Variants in INTS10 observed in about 807,000 individuals in gnomAD.
INTS10 encodes the protein integrator complex subunit 10, also known as chromosome 8 open reading frame 35.
Under a neutral mutation model 94.4 loss-of-function variants are expected in INTS10, and 44 were observed. That is an observed-to-expected ratio of 0.47 (90% CI 0.37 to 0.60). INTS10 has a LOEUF of 0.60. INTS10 is among the 20% of genes least tolerant of loss of function. The pLI is 0.00. For missense variants in INTS10, 797 were observed against 868.7 expected, an observed-to-expected ratio of 0.92 and a Z score of 1.04; for synonymous variants, 341 against 320.7, an observed-to-expected ratio of 1.06 and a Z score of -0.68.
At chr8:19,822,343 A>C in intron 4 of INTS10, 96 bp from the exon 5 acceptor site, 2 of 656,588 alleles carry the variant, frequency 3.0e-6, no homozygotes, top group Admixed American at 5.7e-5. Context: ...TTGATTATGC[A>C]AACTGTGATA....
In INTS10 at chr8:19,824,828, A is replaced by T; in HGVS notation, c.862A>T (p.Met288Leu). The T allele has an allele frequency of 6.2e-7, 1 of 1,610,944 alleles. No homozygotes were observed. Among genetic ancestry groups the T allele is most frequent in the Non-Finnish European group, 8.5e-7 (1 of 1,178,022 alleles). ...AAGCTATGGAGATATTTTGCATAGA[A>T]TGAAGGATCTCTGCAGATACATGAA... ...RRSYGDILHR[M>L]KDLCRYMNNF... The change falls in exon 8 of 17, where the codon ATG becomes TTG. Residue 288 changes from methionine to leucine, a missense_variant. Met to Leu is a conservative substitution (Grantham distance 15). Around this residue, in one of 3 missense-constraint regions of INTS10, gnomAD observed 734 missense variants for 787.8 expected, o/e 0.93. Transcript: ENST00000397977.
At chr8:19,825,700 A>G (rs2066739523) in intron 8 of INTS10, among the ~76,000 whole-genome samples, 1 of 152,270 alleles carries the variant, frequency 6.6e-6, no homozygotes, top group Admixed American at 6.5e-5. Flanking sequence ...ATCACCCACA[A>G]TCCTTCCAGT....
chr8:19,823,194 A>G lies in INTS10; in HGVS notation c.524-107A>G. ...TGAGTCATAAGGGATTTTTCCCCCT[A>G]TATATTTTAGATACTACATCAAATG... On this transcript the variant is annotated intron_variant, in intron 5 of 16. Coordinates refer to ENST00000397977, the MANE Select transcript of INTS10 (RefSeq NM_018142.4). 4 of 809,646 alleles carry G rather than the reference A, an allele frequency of 4.9e-6. No individual in the cohort carries two copies. In the South Asian group the frequency reaches 5.0e-5, roughly 10 times the overall value. 50.2% of individuals were successfully genotyped at this position (809,646 alleles called of 1,614,324 possible). A position where few individuals can be genotyped will look rare whatever the true frequency, so the allele number is the denominator to read the frequency against.
Position 19,849,104 on chromosome 8 carries a change from G to A in INTS10, c.1977-2545G>A. On this transcript the variant is annotated intron_variant, in intron 16 of 16. Transcript: ENST00000397977. The surrounding 1 kb of genome is among the most constrained non-coding windows in gnomAD (Gnocchi z 4.6). ...GTATTTTCTCTGGAGTGTTGTTTTT[G>A]CAGTGCAGGGTGAGTCGGTGTGGGT... 1 of 758,888 alleles carries A rather than the reference G, an allele frequency of 1.3e-6. No homozygotes were observed. Among genetic ancestry groups the A allele is most frequent in the Non-Finnish European group, 2.0e-6 (1 of 507,066 alleles). 47.0% of individuals were successfully genotyped at this position (758,888 alleles called of 1,614,324 possible). A position where few individuals can be genotyped will look rare whatever the true frequency, so the allele number is the denominator to read the frequency against.
rs1174257353 is a variant in INTS10, at chr8:19,817,460, G to A, written c.-78G>A. On this transcript the variant is annotated 5_prime_UTR_variant, in exon 1 of 17. It adds an upstream start codon to the 5' untranslated region. Coordinates refer to ENST00000397977, the MANE Select transcript of INTS10 (RefSeq NM_018142.4). The stretch of plus-strand genomic sequence containing the variant: ...CCCCGCGGTGGCGGCGGCGGCGGCG[G>A]TGGCTGCCGTGGCGGCTGAGAGTCC... The A allele has an allele frequency of 4.6e-6, 7 of 1,535,840 alleles. No homozygotes were observed. Among genetic ancestry groups the A allele is most frequent in the Non-Finnish European group, 6.1e-6 (7 of 1,144,968 alleles).
intron 2 of INTS10, 48 bp downstream of exon 2, chr8:19,818,390 G>A (rs1189787876): frequency 4.4e-6 from 7 of 1,577,740 alleles, no homozygotes. Flanking sequence ...ATCTCTCCAT[G>A]AGGTTTTGTT....
At chr8:19,819,376 A>AC (rs1390224595) in intron 2 of INTS10, among the ~76,000 whole-genome samples, 197 bp from the exon 3 acceptor site, 1 of 152,224 alleles carries the variant, frequency 6.6e-6, no homozygotes, top group Non-Finnish European at 1.5e-5. Flanking sequence ...TATAAAACCC[A>AC]CTAAAGACTT....
rs2068261006 is a variant in INTS10, at chr8:19,843,009, A to G, written c.1719+82A>G. ...GACTCGAGAACTTGAGAACCTTGCTAAGGATTGTTATTTTAGTACTTTTGA... is the reference window on the plus strand; with the variant it reads ...GACTCGAGAACTTGAGAACCTTGCTGAGGATTGTTATTTTAGTACTTTTGA... On this transcript the variant is annotated intron_variant, in intron 14 of 16. Coordinates refer to ENST00000397977, the MANE Select transcript of INTS10 (RefSeq NM_018142.4). The surrounding 1 kb of genome is among the most constrained non-coding windows in gnomAD (Gnocchi z 4.7). The G allele has an allele frequency of 1.0e-6, 1 of 986,056 alleles. No homozygotes were observed. The highest frequency in any genetic ancestry group is 1.8e-5 in the Admixed American group (1 of 55,984). The allele number at this position is 986,056 out of a possible 1,614,324, so 61.1% of individuals were successfully genotyped here.
At chr8:19,827,606 C>T (rs1236283705) in intron 9 of INTS10, among the ~76,000 whole-genome samples, 1 of 152,114 alleles carries the variant, frequency 6.6e-6, no homozygotes, top group East Asian at 1.9e-4. Context: ...TCATTGATCC[C>T]TCCTGGGTTT....
intron 6 of INTS10, 149 bp from the exon 7 acceptor site, chr8:19,823,723 TG>T: frequency 1.5e-6 from 1 of 656,132 alleles, no homozygotes; most frequent in Non-Finnish European, 2.6e-6. Flanking sequence ...CTTATACCAG[TG>T]GCCTCTTGTC....
At chr8:19,835,620 C>T (rs534869173) in intron 12 of INTS10, among the ~76,000 whole-genome samples, 46 of 152,242 alleles carry the variant, frequency 3.0e-4, no homozygotes, top group African/African-American at 1.0e-3. Flanking sequence ...CTCTGGAGTA[C>T]AAGTCCTGGC....
At chr8:19,848,179 T>G (rs2068734983) in intron 16 of INTS10, among the ~76,000 whole-genome samples, 1 of 152,194 alleles carries the variant, frequency 6.6e-6, no homozygotes, top group Non-Finnish European at 1.5e-5. Flanking sequence ...TCCCTTTGGG[T>G]TCCAAACAAG....
chr8:19,823,507 C>G, intron 6 of INTS10, 66 bp downstream of exon 6: 1 of 1,079,598 alleles, frequency 9.3e-7, no homozygotes, highest in Non-Finnish European at 1.4e-6. Context: ...TTCAGAAACC[C>G]CTCAATGTTC....
chr8:19,832,355 T>C (rs1171298351), intron 11 of INTS10, among the ~76,000 whole-genome samples: 1 of 152,162 alleles, frequency 6.6e-6, no homozygotes, highest in Non-Finnish European at 1.5e-5. Flanking sequence ...GAGGATTGCT[T>C]GAGCCCAGGA....
Position 19,848,331 on chromosome 8 carries a change from C to G in INTS10, c.1976+2534C>G, listed in dbSNP as rs538460816. Among the ~76,000 whole-genome samples, 11 of 152,234 alleles carry G rather than the reference C, an allele frequency of 7.2e-5. 1 individual carries two copies. In the South Asian group the frequency reaches 2.3e-3, roughly 32 times the overall value. On this transcript the variant is annotated intron_variant, in intron 16 of 16. Transcript: ENST00000397977. ...ATCTGGGATGCAAGCAGGTACAGTA[C>G]CAACACTGAGGGCACCCGGTGCTTC... is the stretch of plus-strand genomic sequence containing the variant.
chr8:19,831,793 C>G (rs1371045918), intron 10 of INTS10, among the ~76,000 whole-genome samples: 1 of 152,130 alleles, frequency 6.6e-6, no homozygotes, highest in Non-Finnish European at 1.5e-5. Flanking sequence ...TTCTTGGCAC[C>G]TGGTATGTGC....
chr8:19,821,046 C>T (rs2128753001), intron 4 of INTS10: 1 of 152,476 alleles, frequency 6.6e-6, no homozygotes, highest in Admixed American at 6.5e-5. Context: ...AGTAACTTCC[C>T]ATAGCCAGTG....
Position 19,817,683 on chromosome 8 carries a change from G to A in INTS10, c.129+17G>A, listed in dbSNP as rs1473488994. ...AACATCCAGGTGAGGTCCCGGCTGT[G>A]CATGCGGCCGCTCTGCGTGGAGGTG... On this transcript the variant is annotated intron_variant, in intron 1 of 16. Coordinates refer to ENST00000397977, the MANE Select transcript of INTS10 (RefSeq NM_018142.4). 7.5e-6 allele frequency: 12 copies of A among 1,597,018 alleles called. No individual in the cohort carries two copies. The highest frequency in any genetic ancestry group is 1.3e-5 in the African/African-American group (1 of 74,646).
chr8:19,837,979 GC>G (rs761118225), intron 13 of INTS10, among the ~76,000 whole-genome samples: 17 of 152,080 alleles, frequency 1.1e-4, no homozygotes, highest in Non-Finnish European at 1.6e-4. Flanking sequence ...AAAACTTTAT[GC>G]CAATAAATTT....
Sources: gnomAD v4.1 joint callset for allele counts (sites outside exome capture counted in the v4.1 genomes callset) on GRCh38, gnomAD v4.1.1 for gene constraint, gnomAD v4.1.1 regional missense constraint, Gnocchi (gnomAD v3.1) non-coding constraint, MANE v1.5 for transcripts, NCBI Gene and HGNC (gene_info 2026-07-23, HGNC 2026-07-21) for gene names.